The following TMPRSS5 variants were observed in gnomAD, a reference collection of about 807,000 sequenced individuals.
TMPRSS5 encodes the protein transmembrane serine protease 5.
Under a neutral mutation model 59.7 loss-of-function variants are expected in TMPRSS5, and 45 were observed. The ratio of observed to expected loss-of-function variants is 0.75; its 90% CI spans 0.59 to 0.97. The LOEUF is 0.97. TMPRSS5 is among the 50% of genes least tolerant of loss of function. The pLI is 0.00. For missense variants in TMPRSS5, 585 were observed against 596.7 expected (o/e 0.98, Z 0.20); for synonymous variants, 225 against 232.0 (o/e 0.97, Z 0.27).
At chr11:113,692,557 G>C (rs1952813161) in intron 9 of TMPRSS5, among the ~76,000 whole-genome samples, 1 of 152,200 alleles carries the variant, frequency 6.6e-6, no homozygotes, top group Non-Finnish European at 1.5e-5. Flanking sequence ...GCAGCAGCAG[G>C]AGGAGCCCTG....
At chr11:113,694,825 C>T (rs1461428615) in intron 7 of TMPRSS5, among the ~76,000 whole-genome samples, 185 bp from the exon 8 acceptor site, 4 of 152,114 alleles carry the variant, frequency 2.6e-5, no homozygotes. Context: ...CCCTGCCTGC[C>T]CCATCCAGCT....
intron 2 of TMPRSS5, 97 bp downstream of exon 2, chr11:113,699,969 C>T (rs1953080514): frequency 1.9e-6 from 3 of 1,545,666 alleles, no homozygotes; most frequent in Non-Finnish European, 2.6e-6. Context: ...CACCATCAAT[C>T]ATGTGGGGCT....
chr11:113,699,977 G>A (rs1467241426), intron 2 of TMPRSS5, 89 bp downstream of exon 2: 4 of 1,546,930 alleles, frequency 2.6e-6, no homozygotes, highest in South Asian at 1.2e-5. Context: ...ATCATGTGGG[G>A]CTGACCCCAA....
At chr11:113,704,501 T>A (rs1484319469) in intron 1 of TMPRSS5, among the ~76,000 whole-genome samples, 1 of 152,026 alleles carries the variant, frequency 6.6e-6, no homozygotes, top group Non-Finnish European at 1.5e-5. Context: ...GCTCACAAAG[T>A]CCTCCATGAT....
At chr11:113,706,135 C>G in intron 1 of TMPRSS5, 87 bp downstream of exon 1, 2 of 1,501,772 alleles carry the variant, frequency 1.3e-6, no homozygotes, top group South Asian at 2.4e-5. Context: ...GCTCTTTCCA[C>G]CAGCCTAGAA....
intron 7 of TMPRSS5, 82 bp downstream of exon 7, chr11:113,695,318 C>T: frequency 6.7e-7 from 1 of 1,503,362 alleles, no homozygotes; most frequent in Non-Finnish European, 9.2e-7. Flanking sequence ...CAGAGTCTCA[C>T]CATAGGGCTC....
chr11:113,690,176 G>GCCCCACCCCCCCCCCCCCCACA, intron 11 of TMPRSS5, 55 bp downstream of exon 11: 1 of 388,230 alleles, frequency 2.6e-6, no homozygotes, highest in Non-Finnish European at 4.2e-6. Context: ...CAGGCCCCCT[G>GCCCCACCCCCCCCCCCCCCACA]CCCTCCCACC....
chr11:113,691,028 C>CTGGG, intron 9 of TMPRSS5, 89 bp from the exon 10 acceptor site: 1 of 1,220,456 alleles, frequency 8.2e-7, no homozygotes, highest in Non-Finnish European at 1.2e-6. Flanking sequence ...CTGGCAAGTC[C>CTGGG]TCCTCAGCCC....
rs550974460 is a variant in TMPRSS5 at position 113,689,833 on chromosome 11, C to A, written c.1291G>T (p.Glu431Ter). Residue 431 changes from glutamate to a stop codon, truncating the protein, a stop_gained, in exon 12 of 13, where the codon GAG (glutamate) becomes TAG (stop). Transcript: ENST00000299882. LOFTEE classifies it high-confidence loss of function. ...GCGTAGACACCTGGGTGATTGGGCT[C>A]TGCGCAGCCACGCCCCCAGCTGACC... ...GVVSWGRGCA[E>*]PNHPGVYAKV... is the part of the protein sequence containing the mutation. 5 of 1,599,730 alleles carry A rather than the reference C, an allele frequency of 3.1e-6. No homozygotes were observed. Among genetic ancestry groups the A allele is most frequent in the Non-Finnish European group, 3.4e-6 (4 of 1,173,402 alleles).
At chr11:113,697,500 A>G (rs1952964832) in intron 4 of TMPRSS5, 82 bp from the exon 5 acceptor site, 1 of 1,517,128 alleles carries the variant, frequency 6.6e-7, no homozygotes, top group African/African-American at 1.4e-5. Context: ...AGGATTCTGT[A>G]GTACTTGAAG....
intron 3 of TMPRSS5, among the ~76,000 whole-genome samples, chr11:113,699,249 CTCTCTCT>C (rs1953034055): frequency 1.1e-5 from 1 of 88,970 alleles, no homozygotes; most frequent in South Asian, 4.1e-4. Flanking sequence ...CTCTCTCTCT[CTCTCTCT>C]CTCTCTCTCT....
At chr11:113,700,569 A>C (rs1311621893) in intron 1 of TMPRSS5, among the ~76,000 whole-genome samples, 3 of 151,950 alleles carry the variant, frequency 2.0e-5, no homozygotes, top group Non-Finnish European at 4.4e-5. Flanking sequence ...GTGCCCCTCC[A>C]CCATGCACCC....
At chr11:113,705,350 C>T (rs983961973) in intron 1 of TMPRSS5, among the ~76,000 whole-genome samples, 5 of 152,174 alleles carry the variant, frequency 3.3e-5, no homozygotes, top group African/African-American at 9.7e-5. Context: ...GAAAATCATT[C>T]CACTGGACCC....
At position 113,698,952 on chromosome 11, in the gene TMPRSS5, G is replaced by T; in HGVS notation, c.281C>A (p.Ser94Ter). 1 of 1,600,854 alleles carries T rather than the reference G, an allele frequency of 6.2e-7. No individual in the cohort carries two copies. The highest frequency in any genetic ancestry group is 8.5e-7 in the Non-Finnish European group (1 of 1,173,808). ...LQDEEITLSC[S>*]EASAEEALLP... ...CAGAGCTTCCTCAGCGCTGGCCTCT[G>T]AGCAGCTCAAAGTTATCTCCTCATC... The change falls in exon 4 of 13, where the codon TCA becomes TAA. Residue 94 changes from serine (S) to a stop codon, truncating the protein, a stop_gained. Coordinates refer to ENST00000299882, the MANE Select transcript of TMPRSS5 (RefSeq NM_030770.4). LOFTEE classifies it high-confidence loss of function.
chr11:113,689,277 A>T (rs1952690705), intron 12 of TMPRSS5, among the ~76,000 whole-genome samples: 1 of 151,708 alleles, frequency 6.6e-6, no homozygotes, highest in African/African-American at 2.4e-5. Context: ...AATCGCTTGA[A>T]CCCGGGAGAT....
chr11:113,699,129 A>G, intron 3 of TMPRSS5, 102 bp from the exon 4 acceptor site: 1 of 1,300,254 alleles, frequency 7.7e-7, no homozygotes, highest in South Asian at 1.4e-5. Flanking sequence ...TCCCCAACCA[A>G]CCTGCTGAGG....
intron 9 of TMPRSS5, among the ~76,000 whole-genome samples, chr11:113,692,041 C>T (rs922315858): frequency 1.3e-5 from 2 of 152,112 alleles, no homozygotes; most frequent in South Asian, 4.1e-4. Context: ...GCATGAGCTA[C>T]CACACCCAGC....
At chr11:113,689,735 TCCCTG>T in intron 12 of TMPRSS5, 25 bp downstream of exon 12, 1 of 1,599,382 alleles carries the variant, frequency 6.3e-7, no homozygotes, top group East Asian at 2.3e-5. Context: ...TTTAGAAATC[TCCCTG>T]CCCTACTCCT....
intron 9 of TMPRSS5, among the ~76,000 whole-genome samples, chr11:113,691,383 C>G (rs183071635): frequency 6.6e-6 from 1 of 152,174 alleles, no homozygotes; most frequent in African/African-American, 2.4e-5. Flanking sequence ...ACGCCATGTC[C>G]TTTTCAATTC....
Sources: allele counts gnomAD v4.1 joint callset (sites outside exome capture counted in the v4.1 genomes callset), GRCh38; gene constraint gnomAD v4.1.1; transcripts MANE v1.5; gene names NCBI Gene and HGNC (gene_info 2026-07-23, HGNC 2026-07-21).